Variants in HYDIN observed in about 807,000 individuals in gnomAD.
The protein encoded by HYDIN is axonemal central pair apparatus protein HYDIN.
A neutral mutation model predicts 403.9 loss-of-function variants in HYDIN; 132 were observed. That is an observed-to-expected ratio of 0.33 (90% CI 0.28 to 0.38). The LOEUF (loss-of-function observed/expected upper bound fraction) is 0.38, where lower values mean the gene tolerates loss of function less well. HYDIN is among the 10% of genes least tolerant of loss of function. The probability of loss-of-function intolerance (pLI) is 1.00; values close to 1 mark genes in which losing one functional copy is unlikely to be tolerated. For missense variants in HYDIN, 2,827 were observed against 5,009.5 expected (o/e 0.56, Z 13.15); for synonymous variants, 1,202 against 1,891.7 (o/e 0.64, Z 9.46).
intron 16 of HYDIN, among the ~76,000 whole-genome samples, chr16:71,063,305 C>T (rs980410520): frequency 3.3e-5 from 5 of 152,230 alleles, no homozygotes; most frequent in Non-Finnish European, 7.3e-5. Context: ...CTCCCTGTGC[C>T]GCAGTGCTCC....
At chr16:71,115,063 A>T (rs1597809641) in intron 10 of HYDIN, among the ~76,000 whole-genome samples, 1 of 150,852 alleles carries the variant, frequency 6.6e-6, no homozygotes, top group East Asian at 2.0e-4. Flanking sequence ...CTGCTCTAAG[A>T]GCCATGGTCC....
chr16:71,115,038 T>C (rs1182420643), intron 10 of HYDIN, among the ~76,000 whole-genome samples: 2 of 150,336 alleles, frequency 1.3e-5, no homozygotes, highest in Non-Finnish European at 3.0e-5. Flanking sequence ...GAATTGGTCA[T>C]AAGCAATATT....
intron 9 of HYDIN, among the ~76,000 whole-genome samples, chr16:71,122,756 T>C (rs1430425234): frequency 1.3e-5 from 2 of 152,054 alleles, no homozygotes; most frequent in African/African-American, 4.8e-5. Context: ...ATTACTTATA[T>C]GGTAATAAAG....
chr16:71,066,758 T>A (rs1362706654), intron 15 of HYDIN: 1 of 386,798 alleles, frequency 2.6e-6, no homozygotes, highest in African/African-American at 2.1e-5. Context: ...GAGAGAGGAG[T>A]TGGAGATGGT....
At chr16:71,017,369 A>T (rs2080298713) in intron 23 of HYDIN, among the ~76,000 whole-genome samples, 1 of 132,702 alleles carries the variant, frequency 7.5e-6, no homozygotes, top group Admixed American at 7.7e-5. Context: ...AAAAAAAAAA[A>T]GTGTTTGGCA....
At position 70,882,646 on chromosome 16, in the gene HYDIN, T is replaced by C. The variant is rs1401219018; in HGVS notation, c.10215+14A>G. On this transcript the variant is annotated intron_variant, in intron 60 of 85. Coordinates refer to ENST00000393567, the MANE Select transcript of HYDIN (RefSeq NM_001270974.2). ...TGAACCACGCTGGGCCAGGGGCCAT[T>C]GGGAGCGTCTTACCTTATTGGAGAT... 4.6e-6 allele frequency: 7 copies of C among 1,531,978 alleles called. No individual in the cohort carries two copies. The highest frequency in any genetic ancestry group is 6.3e-6 in the Non-Finnish European group (7 of 1,106,612). 94.9% of individuals were successfully genotyped at this position (1,531,978 alleles called of 1,614,324 possible). A position where few individuals can be genotyped will look rare whatever the true frequency, so the allele number is the denominator to read the frequency against.
chr16:70,833,452 C>T (rs1597073167), intron 79 of HYDIN, among the ~76,000 whole-genome samples: 3 of 110,506 alleles, frequency 2.7e-5, no homozygotes, highest in Non-Finnish European at 5.6e-5. Flanking sequence ...TTAACTGTTC[C>T]CTGCACTGCT....
rs1242664335 is a variant in HYDIN at position 70,862,213 on chromosome 16, G to C, written c.11612C>G (p.Thr3871Arg). 1 of 1,613,750 alleles carries C rather than the reference G, an allele frequency of 6.2e-7. No individual in the cohort carries two copies. Among genetic ancestry groups the C allele is most frequent in the Non-Finnish European group, 8.5e-7 (1 of 1,180,002 alleles). The change falls in exon 69 of 86, where the codon ACA becomes AGA. Residue 3871 changes from threonine (T) to arginine (R), a missense_variant. By Grantham distance (71) the Thr-to-Arg change is moderately conservative. Transcript: ENST00000393567. ...KDQLSQGTMH[T>R]GSTLDSTMDH... ...CATGGTGCTGTCCAGGGTGCTGCCT[G>C]TATGCATCGTGCCCTGACTAAGCTG...
At position 71,114,641 on chromosome 16, in the gene HYDIN, C is replaced by A. The variant is rs1265574058; in HGVS notation, c.1327+1055G>T. ...ATGCATGTACACATGCATATACACA[C>A]ATTTACATGTATATTTATTTTTATA... On this transcript the variant is annotated intron_variant, in intron 10 of 85. Coordinates refer to ENST00000393567, the MANE Select transcript of HYDIN (RefSeq NM_001270974.2). Among the ~76,000 whole-genome samples, 5 of 141,680 alleles carry A rather than the reference C, an allele frequency of 3.5e-5. No individual in the cohort carries two copies. The South Asian group carries it at 6.7e-4, about 19-fold the overall frequency. 92.9% of individuals were successfully genotyped at this position (141,680 alleles called of 152,430 possible). A position where few individuals can be genotyped will look rare whatever the true frequency, so the allele number is the denominator to read the frequency against.
intron 10 of HYDIN, among the ~76,000 whole-genome samples, chr16:71,095,214 ACTTTAGGGATTTTGATC>A (rs2083240513): frequency 7.0e-6 from 1 of 141,940 alleles, no homozygotes; most frequent in South Asian, 2.4e-4. Flanking sequence ...GGGATGTTAG[ACTTTAGGGATTTTGATC>A]CTTAGGGGTT....
chr16:71,053,321 T>C (rs546207220), intron 18 of HYDIN, among the ~76,000 whole-genome samples: 2 of 152,348 alleles, frequency 1.3e-5, no homozygotes, highest in African/African-American at 4.8e-5. Context: ...ATTCCACTCC[T>C]AGATATACTC....
chr16:70,968,824 A>C (rs2078658639), intron 36 of HYDIN, among the ~76,000 whole-genome samples: 1 of 152,262 alleles, frequency 6.6e-6, no homozygotes, highest in African/African-American at 2.4e-5. Flanking sequence ...ATCAACTTCA[A>C]GGTAATAGTG....
chr16:70,887,159 C>T (rs932856234), intron 58 of HYDIN, among the ~76,000 whole-genome samples: 5 of 152,170 alleles, frequency 3.3e-5, no homozygotes, highest in Non-Finnish European at 7.3e-5. Context: ...TTTATTTAGA[C>T]TGGGCAGAAT....
chr16:71,117,546 A>G (rs1345766916), intron 9 of HYDIN, among the ~76,000 whole-genome samples: 1 of 152,222 alleles, frequency 6.6e-6, no homozygotes, highest in Non-Finnish European at 1.5e-5. Flanking sequence ...AAAAGGGGAA[A>G]AGATGTGTGT....
At chr16:71,213,613 T>C (rs2088710478) in intron 1 of HYDIN, among the ~76,000 whole-genome samples, 1 of 152,104 alleles carries the variant, frequency 6.6e-6, no homozygotes, top group Non-Finnish European at 1.5e-5. Context: ...TATGTTGAAT[T>C]TTAACCAAGA....
intron 57 of HYDIN, among the ~76,000 whole-genome samples, chr16:70,890,861 G>A (rs541776645): frequency 6.6e-6 from 1 of 151,990 alleles, no homozygotes; most frequent in African/African-American, 2.4e-5. Flanking sequence ...GTCCCTGGTA[G>A]GCTGAAGGCA....
chr16:70,985,276 C>T lies in HYDIN; in HGVS notation c.4241G>A (p.Gly1414Glu), dbSNP rs769935744. 10 of 1,536,158 alleles carry T rather than the reference C, an allele frequency of 6.5e-6. No homozygotes were observed. The highest frequency in any genetic ancestry group is 9.0e-7 in the Non-Finnish European group (1 of 1,114,098). Residue 1414 changes from glycine to glutamate, a missense_variant, in exon 28 of 86, where the codon GGG becomes GAG. By Grantham distance (98) the Gly-to-Glu change is moderately conservative (BLOSUM62 -2). Coordinates refer to ENST00000393567, the MANE Select transcript of HYDIN (RefSeq NM_001270974.2). ...AACCTTGAACTCAAAGCCAACTTTCCCCATGTTCGTCAGCGTGATTTCCCT... is the reference window on the plus strand; with the variant it reads ...AACCTTGAACTCAAAGCCAACTTTCTCCATGTTCGTCAGCGTGATTTCCCT... ...TEREITLTNM[G>E]KVGFEFKVLT... is the part of the protein sequence containing the mutation.
At chr16:70,884,487 G>A (rs1362070835) in intron 58 of HYDIN, among the ~76,000 whole-genome samples, 1 of 152,152 alleles carries the variant, frequency 6.6e-6, no homozygotes, top group East Asian at 1.9e-4. Flanking sequence ...GGGCCTTTGA[G>A]TGACACACGC....
At chr16:71,203,771 C>CT in intron 1 of HYDIN, 1 of 455,992 alleles carries the variant, frequency 2.2e-6, no homozygotes, top group Non-Finnish European at 4.4e-6. Context: ...TTCCAGTCAT[C>CT]CAGAATGTGT....
Sources: allele counts gnomAD v4.1 joint callset (sites outside exome capture counted in the v4.1 genomes callset), GRCh38; gene constraint gnomAD v4.1.1; transcripts MANE v1.5; gene names NCBI Gene and HGNC (gene_info 2026-07-23, HGNC 2026-07-21).